Variants in ZNF160 observed in about 807,000 individuals in gnomAD.
The protein encoded by ZNF160 is KRAB zinc finger protein KR18.
ZNF160 carries 9 observed loss-of-function variants against 13.1 expected under a neutral mutation model. That is an observed-to-expected ratio of 0.69 (90% CI 0.41 to 1.20). The LOEUF is 1.20. Ranked by LOEUF, ZNF160 falls within the 50% of genes most tolerant of loss-of-function variation. ZNF160 has a pLI of 0.01. For missense variants in ZNF160, 838 were observed against 988.0 expected (o/e 0.85, Z 2.04); for synonymous variants, 293 against 333.2 (o/e 0.88, Z 1.31).
At chr19:53,095,391 C>G (rs1473892090) in intron 1 of ZNF160, 1 of 151,776 alleles carries the variant, frequency 6.6e-6, no homozygotes, top group Non-Finnish European at 1.5e-5. Flanking sequence ...TTTCAGGGCA[C>G]TCCAGCCCTG....
At chr19:53,092,477 A>AT (rs374176788) in intron 1 of ZNF160, among the ~76,000 whole-genome samples, 39 of 151,940 alleles carry the variant, frequency 2.6e-4, no homozygotes, top group African/African-American at 5.1e-4. Context: ...GGCCCAGCTA[A>AT]TTTTTTTTGT....
At chr19:53,073,400 G>C in intron 5 of ZNF160, 1 of 1,598,446 alleles carries the variant, frequency 6.3e-7, no homozygotes, top group Non-Finnish European at 8.5e-7. Flanking sequence ...CAGAATGGAA[G>C]AAATGGCCGA....
At chr19:53,095,629 T>G (rs961925473) in intron 1 of ZNF160, 2 of 152,126 alleles carry the variant, frequency 1.3e-5, no homozygotes, top group Non-Finnish European at 2.9e-5. Context: ...TTTGTTCTCA[T>G]GAGAGATGAC....
In ZNF160 at chr19:53,070,262, T is replaced by G. The variant is rs536665946; in HGVS notation, c.272A>C (p.Asp91Ala). 7.0e-6 allele frequency: 11 copies of G among 1,567,392 alleles called. No homozygotes were observed. The South Asian group carries it at 1.2e-4, about 17-fold the overall frequency. Residue 91 changes from aspartate to alanine, a missense_variant and splice_region_variant, in exon 6 of 6, where the codon GAT becomes GCT. Around this residue, in one of 3 missense-constraint regions of ZNF160, gnomAD observed 387 missense variants for 402.3 expected, o/e 0.96. Coordinates refer to ENST00000683776, the MANE Select transcript of ZNF160 (RefSeq NM_001322131.2). The stretch of plus-strand genomic sequence containing the variant: ...CTTGATTGTACATTTAGGAGGGATA[T>G]CTACAAGATATAAAGAACCACATAA... The part of the protein sequence containing the change: ...TPECVKGVVT[D>A]IPPKCTIKDL...
chr19:53,089,358 T>C (rs931173237), intron 2 of ZNF160, among the ~76,000 whole-genome samples: 1 of 152,214 alleles, frequency 6.6e-6, no homozygotes, highest in Non-Finnish European at 1.5e-5. Context: ...GAGTTTTCTG[T>C]GTGGAGTGTT....
Position 53,068,629 on chromosome 19 carries a change from G to C in ZNF160, c.1905C>G (p.Tyr635Ter). Residue 635 changes from tyrosine (Y) to a stop codon, truncating the protein, a stop_gained, in exon 6 of 6, where the codon TAC becomes TAG. Coordinates refer to ENST00000683776, the MANE Select transcript of ZNF160 (RefSeq NM_001322131.2). LOFTEE classifies it low-confidence loss of function (END_TRUNC). ...TATGAATTCGCCGATGAGTTGCAAGGTATGAATTGTGCCTAAAAACCTTGC... is the reference window on the plus strand; with the variant it reads ...TATGAATTCGCCGATGAGTTGCAAGCTATGAATTGTGCCTAAAAACCTTGC... ...ECGKVFRHNS[Y>*]LATHRRIHTG... 1 of 1,612,896 alleles carries C rather than the reference G, an allele frequency of 6.2e-7. No individual in the cohort carries two copies. Among genetic ancestry groups the C allele is most frequent in the Non-Finnish European group, 8.5e-7 (1 of 1,179,684 alleles).
At chr19:53,076,413 G>A (rs2084391560) in intron 3 of ZNF160, among the ~76,000 whole-genome samples, 1 of 152,206 alleles carries the variant, frequency 6.6e-6, no homozygotes, top group East Asian at 1.9e-4. Flanking sequence ...GCCGAGGCGG[G>A]TGGATTACTT....
In ZNF160 at chr19:53,068,503, G is replaced by A. The variant is rs2084040757; in HGVS notation, c.2031C>T (p.Tyr677=). The A allele has an allele frequency of 6.2e-7, 1 of 1,613,674 alleles. No individual in the cohort carries two copies. Among genetic ancestry groups the A allele is most frequent in the Non-Finnish European group, 8.5e-7 (1 of 1,179,812 alleles). The change falls in exon 6 of 6, where the codon TAC becomes TAT. Residue 677 remains tyrosine (Y), a synonymous_variant. Coordinates refer to ENST00000683776, the MANE Select transcript of ZNF160 (RefSeq NM_001322131.2). ...AGACCTTGCCACATTGATTACATTT[G>A]TAAGGCTTCTCTCCAGTATGGATGA... ...HKVIHTGEKP[Y]KCNQCGKVFT... is the part of the protein sequence containing the mutation.
chr19:53,095,752 A>G (rs2085209848), intron 1 of ZNF160: 1 of 151,748 alleles, frequency 6.6e-6, no homozygotes, highest in Admixed American at 6.6e-5. Context: ...TTATTCACTC[A>G]TCTCCCGTGG....
intron 1 of ZNF160, chr19:53,093,499 G>A (rs1028480224): frequency 5.9e-5 from 9 of 152,102 alleles, no homozygotes; most frequent in African/African-American, 2.2e-4. Context: ...CTATCTGCTA[G>A]GATTACAGGG....
At chr19:53,074,733 A>C (rs1208895037) in intron 4 of ZNF160, among the ~76,000 whole-genome samples, 1 of 152,044 alleles carries the variant, frequency 6.6e-6, no homozygotes, top group African/African-American at 2.4e-5. Context: ...AACATGGTAC[A>C]TGCTGATAGA....
Position 53,067,808 on chromosome 19 carries a change from A to G in ZNF160, c.*269T>C. ...TTCCTCCTAGGAATCCTCACTTACCATCGGTCACTGGGTAATGGCCTCAGG... is the reference window on the plus strand; with the variant it reads ...TTCCTCCTAGGAATCCTCACTTACCGTCGGTCACTGGGTAATGGCCTCAGG... On this transcript the variant is annotated 3_prime_UTR_variant, in exon 6 of 6. Coordinates refer to ENST00000683776, the MANE Select transcript of ZNF160 (RefSeq NM_001322131.2). 1 of 364,438 alleles carries G rather than the reference A, an allele frequency of 2.7e-6. No homozygotes were observed. Among genetic ancestry groups the G allele is most frequent in the Non-Finnish European group, 4.9e-6 (1 of 203,020 alleles). The allele number at this position is 364,438 out of a possible 1,614,324, so 22.6% of individuals were successfully genotyped here.
intron 5 of ZNF160, chr19:53,073,594 A>G: frequency 4.1e-6 from 6 of 1,454,430 alleles, no homozygotes; most frequent in Non-Finnish European, 5.4e-6. Context: ...TCTGACCCAT[A>G]TGGACTAAGA....
At position 53,103,405 on chromosome 19, in the gene ZNF160, C is replaced by G. The variant is rs1359221330; in HGVS notation, c.-494G>C. 1 of 152,272 alleles carries G rather than the reference C, an allele frequency of 6.6e-6. No individual in the cohort carries two copies. Among genetic ancestry groups the G allele is most frequent in the African/African-American group, 2.4e-5 (1 of 41,448 alleles). 9.4% of individuals were successfully genotyped at this position (152,272 alleles called of 1,614,324 possible). ...GCCATGGTGTGATGCTTGCTCCGCA[C>G]GATCCACTTCCGGGTCTGTGGGCAA... On this transcript the variant is annotated 5_prime_UTR_variant, in exon 1 of 6. Transcript: ENST00000683776.
rs2084066273 is a variant in ZNF160 at position 53,069,051 on chromosome 19, G to GA, written c.1482_1483insT (p.Gln495SerfsTer18). On this transcript the variant is annotated frameshift_variant, in exon 6 of 6. Transcript: ENST00000683776. LOFTEE classifies it low-confidence loss of function (END_TRUNC). The surrounding 1 kb of genome is among the most constrained non-coding windows in gnomAD (Gnocchi z 4.4). ...TGAATTCTTCGATGATTTGCAAGTTGTGAATTTTGAGTGAAAACCTTGCTG... is the reference window on the plus strand; with the variant it reads ...TGAATTCTTCGATGATTTGCAAGTTGATGAATTTTGAGTGAAAACCTTGCTG... 1.9e-6 allele frequency: 3 copies of GA among 1,614,036 alleles called. No homozygotes were observed. The highest frequency in any genetic ancestry group is 2.5e-6 in the Non-Finnish European group (3 of 1,180,012).
At chr19:53,093,408 C>T (rs1343693446) in intron 1 of ZNF160, among the ~76,000 whole-genome samples, 1 of 151,930 alleles carries the variant, frequency 6.6e-6, no homozygotes, top group Non-Finnish European at 1.5e-5. Context: ...CACTGCACTC[C>T]AGCCTGGGCA....
intron 3 of ZNF160, among the ~76,000 whole-genome samples, chr19:53,083,232 C>G (rs138076970): frequency 1.3e-5 from 2 of 152,280 alleles, no homozygotes; most frequent in East Asian, 1.9e-4. Flanking sequence ...CGCCTCTCCC[C>G]CTCCCTGGTA....
At chr19:53,090,348 C>A (rs989078635) in intron 2 of ZNF160, among the ~76,000 whole-genome samples, 6 of 152,164 alleles carry the variant, frequency 3.9e-5, no homozygotes, top group African/African-American at 1.4e-4. Context: ...CACACTTTCT[C>A]AGCTTTGTCT....
Position 53,082,675 on chromosome 19 carries a change from TAAAC to T in ZNF160, c.15+3583_15+3586del, listed in dbSNP as rs143746440. 3.4e-3 allele frequency among the ~76,000 whole-genome samples: 522 copies of T among 152,192 alleles called. 4 individuals carry two copies. Among genetic ancestry groups the T allele is most frequent in the African/African-American group, 0.012 (499 of 41,524 alleles). On this transcript the variant is annotated intron_variant, in intron 3 of 5. Transcript: ENST00000683776. ...ACAGAGTAAGAGCCTCTCAAAACAA[TAAAC>T]AAACAAACAAATAATAAATAAACAG... is the stretch of plus-strand genomic sequence containing the variant.
Sources: allele counts gnomAD v4.1 joint callset (sites outside exome capture counted in the v4.1 genomes callset), GRCh38; gene constraint gnomAD v4.1.1; regional missense constraint gnomAD v4.1.1; non-coding constraint Gnocchi (gnomAD v3.1); transcripts MANE v1.5; gene names NCBI Gene and HGNC (gene_info 2026-07-23, HGNC 2026-07-21).